GOSR1: variants seen among roughly 807,000 people sequenced by gnomAD.
GOSR1 encodes the protein golgi SNAP receptor complex member 1, also known as 28 kDa Golgi SNARE protein.
In GOSR1, 21 loss-of-function variants were observed where a neutral mutation model predicts 35.5. The ratio of observed to expected loss-of-function variants is 0.59; its 90% CI spans 0.42 to 0.85. The LOEUF (loss-of-function observed/expected upper bound fraction) is 0.85. Ranked by LOEUF, GOSR1 falls within the 40% of genes least tolerant of loss-of-function variation. The pLI is 0.00. For missense variants in GOSR1, 285 were observed against 309.6 expected, an observed-to-expected ratio of 0.92 and a Z score of 0.60; for synonymous variants, 94 against 106.6, an observed-to-expected ratio of 0.88 and a Z score of 0.73.
rs1968133727 is a variant in GOSR1, at chr17:30,523,926, G to A, written c.*1548G>A. 1 of 226,540 alleles carries A rather than the reference G, an allele frequency of 4.4e-6. No individual in the cohort carries two copies. Among genetic ancestry groups the A allele is most frequent in the Non-Finnish European group, 8.5e-6 (1 of 117,644 alleles). The allele number at this position is 226,540 out of a possible 1,614,324, so 14.0% of individuals were successfully genotyped here. A position where few individuals can be genotyped will look rare whatever the true frequency, so the allele number is the denominator to read the frequency against. On this transcript the variant is annotated 3_prime_UTR_variant, in exon 9 of 9. Transcript: ENST00000451249. The stretch of plus-strand genomic sequence containing the variant: ...TGATCTATGACCTTACCCCCAACCT[G>A]GTGCTCTCTGAAACATGTGCTGTGT...
chr17:30,484,383 A>G (rs1914544871), intron 3 of GOSR1, 82 bp downstream of exon 3: 3 of 845,392 alleles, frequency 3.5e-6, no homozygotes, highest in Middle Eastern at 2.2e-4. Context: ...TGAGACAGAC[A>G]TGTTTATTGA....
At chr17:30,497,887 A>G (rs1967056176) in intron 6 of GOSR1, among the ~76,000 whole-genome samples, 1 of 152,100 alleles carries the variant, frequency 6.6e-6, no homozygotes, top group African/African-American at 2.4e-5. Context: ...GTGAAACCCC[A>G]TCTCTACCAA....
rs542005858 is a variant in GOSR1, at chr17:30,482,634, CTA to C, written c.146+1380_146+1381del. ...TCCAGAGCCCACACTCTAAACCCTA[CTA>C]TAGTGTATACATTTGAACAAAAAGC... On this transcript the variant is annotated intron_variant, in intron 2 of 8. Coordinates refer to ENST00000451249, the MANE Select transcript of GOSR1 (RefSeq NM_001007025.2). Among the ~76,000 whole-genome samples the C allele has an allele frequency of 1.6e-3, 245 of 152,302 alleles. 1 individual carries two copies. The highest frequency in any genetic ancestry group is 5.6e-3 in the African/African-American group (234 of 41,566).
intron 5 of GOSR1, among the ~76,000 whole-genome samples, chr17:30,491,730 A>T (rs1163936985): frequency 6.6e-6 from 1 of 152,146 alleles, no homozygotes; most frequent in Non-Finnish European, 1.5e-5. Context: ...AGGAAAGTAT[A>T]TGTAGTAGTT....
rs1968076278 is a variant in GOSR1, at chr17:30,522,553, CTCTGTGCTG to C, written c.*177_*185del. ...TCAGGTTGAGCTGAAGCCACAGTTT[CTCTGTGCTG>C]TGTTTTCTAACACATTTTTCTGTTT... On this transcript the variant is annotated 3_prime_UTR_variant, in exon 9 of 9. Transcript: ENST00000451249. 1 of 452,192 alleles carries C rather than the reference CTCTGTGCTG, an allele frequency of 2.2e-6. No homozygotes were observed. Among genetic ancestry groups the C allele is most frequent in the Admixed American group, 3.4e-5 (1 of 29,282 alleles). 28.0% of individuals were successfully genotyped at this position (452,192 alleles called of 1,614,324 possible).
rs530646420 is a variant in GOSR1, at chr17:30,488,842, A to C, written c.343-1284A>C. Among the ~76,000 whole-genome samples the C allele has an allele frequency of 3.3e-5, 5 of 152,314 alleles. No homozygotes were observed. The East Asian group carries it at 7.7e-4, about 23-fold the overall frequency. ...CATGAGCCACCCTGCCTAGTCTTGC[A>C]GTATTTTTAATAGCAAACAAAATGA... On this transcript the variant is annotated intron_variant, in intron 4 of 8. Transcript: ENST00000451249.
chr17:30,501,700 T>G (rs1434514937), intron 6 of GOSR1, among the ~76,000 whole-genome samples: 2 of 152,166 alleles, frequency 1.3e-5, no homozygotes, highest in Non-Finnish European at 2.9e-5. Context: ...TTCACCATCT[T>G]GGCCAGGCTG....
rs1263916049 is a variant in GOSR1 at position 30,523,554 on chromosome 17, GC to G, written c.*1180del. 2 of 154,474 alleles carry G rather than the reference GC, an allele frequency of 1.3e-5. No homozygotes were observed. The highest frequency in any genetic ancestry group is 2.8e-5 in the Non-Finnish European group (2 of 71,452). 9.6% of individuals were successfully genotyped at this position (154,474 alleles called of 1,614,324 possible). A position where few individuals can be genotyped will look rare whatever the true frequency, so the allele number is the denominator to read the frequency against. ...GGGTCAGCCCCCCGCCCGGCCAGCC[GC>G]CCCGTCCGGGAGGGAGGTGGGGGGG... On this transcript the variant is annotated 3_prime_UTR_variant, in exon 9 of 9. Transcript: ENST00000451249.
rs1968145726 is a variant in GOSR1, at chr17:30,524,339, T to C, written c.*1961T>C. 6.6e-6 allele frequency: 1 copy of C among 152,244 alleles called. No individual in the cohort carries two copies. Among genetic ancestry groups the C allele is most frequent in the African/African-American group, 2.4e-5 (1 of 41,468 alleles). The allele number at this position is 152,244 out of a possible 1,614,324, so 9.4% of individuals were successfully genotyped here. A position where few individuals can be genotyped will look rare whatever the true frequency, so the allele number is the denominator to read the frequency against. ...CTCTGTCTCCTCAACTCTGTTGATA[T>C]TTGGGGAAAATTCTGTTTTTCATAG... is the stretch of plus-strand genomic sequence containing the variant. On this transcript the variant is annotated 3_prime_UTR_variant, in exon 9 of 9. Coordinates refer to ENST00000451249, the MANE Select transcript of GOSR1 (RefSeq NM_001007025.2).
At chr17:30,477,535 G>C (rs1914017648) in intron 1 of GOSR1, 71 bp downstream of exon 1, 1 of 1,537,044 alleles carries the variant, frequency 6.5e-7, no homozygotes, top group Admixed American at 1.8e-5. Flanking sequence ...GATCTTGGGA[G>C]AAGCAGCACA....
intron 4 of GOSR1, among the ~76,000 whole-genome samples, chr17:30,486,019 T>TAAA (rs753646179): frequency 5.3e-5 from 4 of 76,140 alleles, no homozygotes; most frequent in African/African-American, 9.5e-5. Context: ...AGACTCCATC[T>TAAA]AAAAAAAAAA....
chr17:30,483,115 G>T (rs1025508653), intron 2 of GOSR1: 8 of 150,542 alleles, frequency 5.3e-5, no homozygotes, highest in African/African-American at 2.0e-4. Context: ...TTTATTCCAG[G>T]CATCTTTCTT....
chr17:30,500,876 G>T (rs1399033669), intron 6 of GOSR1, among the ~76,000 whole-genome samples: 2 of 149,862 alleles, frequency 1.3e-5, no homozygotes, highest in Non-Finnish European at 3.0e-5. Flanking sequence ...AATATACAAA[G>T]AACTCTTTTT....
At chr17:30,508,817 G>T (rs1037981599) in intron 6 of GOSR1, among the ~76,000 whole-genome samples, 6 of 152,114 alleles carry the variant, frequency 3.9e-5, no homozygotes, top group African/African-American at 1.4e-4. Context: ...TATTATCCTT[G>T]CTAGTCTACA....
chr17:30,498,819 C>T (rs901956295), intron 6 of GOSR1, among the ~76,000 whole-genome samples: 1 of 152,124 alleles, frequency 6.6e-6, no homozygotes, highest in Non-Finnish European at 1.5e-5. Flanking sequence ...CGGGGTCAGC[C>T]GAGGCTGCCA....
At chr17:30,503,840 TCC>T (rs956769654) in intron 6 of GOSR1, among the ~76,000 whole-genome samples, 23 of 152,198 alleles carry the variant, frequency 1.5e-4, no homozygotes, top group African/African-American at 5.5e-4. Context: ...AAGTTAAAGA[TCC>T]CTTCTGTGAG....
At chr17:30,487,919 G>T (rs1347908451) in intron 4 of GOSR1, among the ~76,000 whole-genome samples, 1 of 152,074 alleles carries the variant, frequency 6.6e-6, no homozygotes, top group African/African-American at 2.4e-5. Context: ...GGAACTACAG[G>T]TGTGCGCCAC....
intron 4 of GOSR1, among the ~76,000 whole-genome samples, chr17:30,487,447 A>G (rs777616199): frequency 3.3e-4 from 51 of 152,306 alleles, no homozygotes; most frequent in Non-Finnish European, 6.5e-4. Context: ...CTTACTACAC[A>G]GAGATATAAT....
chr17:30,519,337 G>C (rs933664798), intron 7 of GOSR1, among the ~76,000 whole-genome samples: 1 of 152,124 alleles, frequency 6.6e-6, no homozygotes, highest in Admixed American at 6.5e-5. Context: ...GATTACAGAC[G>C]TGAGCCACCA....
Sources: allele counts gnomAD v4.1 joint callset (sites outside exome capture counted in the v4.1 genomes callset), GRCh38; gene constraint gnomAD v4.1.1; transcripts MANE v1.5; gene names NCBI Gene and HGNC (gene_info 2026-07-23, HGNC 2026-07-21).